Variants in STK3 observed in about 807,000 individuals in gnomAD.
The protein encoded by STK3 is serine/threonine kinase 3.
A neutral mutation model predicts 58.0 loss-of-function variants in STK3; 41 were observed. The observed-to-expected ratio is 0.71, with a 90% CI of 0.55 to 0.92. The LOEUF (loss-of-function observed/expected upper bound fraction) is 0.92. STK3 is among the 40% of genes least tolerant of loss of function. STK3 has a pLI of 0.00. For missense variants in STK3, 479 were observed against 602.7 expected (o/e 0.79, Z 2.15); for synonymous variants, 170 against 191.0 (o/e 0.89, Z 0.91).
intron 3 of STK3, among the ~76,000 whole-genome samples, chr8:98,878,451 A>G (rs1375673232): frequency 6.6e-6 from 1 of 152,152 alleles, no homozygotes; most frequent in East Asian, 1.9e-4. Context: ...CATTTCAATC[A>G]CCTGCACCAC....
intron 4 of STK3, among the ~76,000 whole-genome samples, chr8:98,724,950 TC>T (rs1827695435): frequency 6.6e-6 from 1 of 152,158 alleles, no homozygotes; most frequent in African/African-American, 2.4e-5. Flanking sequence ...CTCTCAGTTC[TC>T]CCAAAAAATT....
chr8:98,403,672 C>T (rs1817966234), intron 3 of STK3, among the ~76,000 whole-genome samples: 3 of 152,178 alleles, frequency 2.0e-5, no homozygotes, highest in Admixed American at 2.0e-4. Flanking sequence ...GCCCTATGCA[C>T]AGGTAGAGCA....
At position 98,407,725 on chromosome 8, in the gene STK3, T is replaced by C. The variant is rs959719204; in HGVS notation, n.484-6212A>G. 8.4e-4 allele frequency among the ~76,000 whole-genome samples: 81 copies of C among 96,872 alleles called. 1 individual carries two copies. The Middle Eastern group carries it at 0.02, about 24-fold the overall frequency. 63.6% of individuals were successfully genotyped at this position (96,872 alleles called of 152,430 possible). A position where few individuals can be genotyped will look rare whatever the true frequency, so the allele number is the denominator to read the frequency against. ...ACTCAGATGAGTGCATGTGTGTGTGTGTGTGTGTGTGTGTGTGTGTGTGTG... is the reference window on the plus strand; with the variant it reads ...ACTCAGATGAGTGCATGTGTGTGTGCGTGTGTGTGTGTGTGTGTGTGTGTG... On this transcript the variant is annotated intron_variant and non_coding_transcript_variant, in intron 3 of 3. Transcript: ENST00000517832.
intron 10 of STK3, among the ~76,000 whole-genome samples, chr8:98,524,977 G>C (rs1294509715): frequency 6.6e-6 from 1 of 152,126 alleles, no homozygotes; most frequent in Non-Finnish European, 1.5e-5. Context: ...CTGAAGCAAA[G>C]TTAAATCATT....
chr8:98,420,064 C>T (rs1737258577), intron 3 of STK3, among the ~76,000 whole-genome samples: 1 of 152,172 alleles, frequency 6.6e-6, no homozygotes, highest in Non-Finnish European at 1.5e-5. Context: ...AGTTGCCCTC[C>T]CCCTTGTCCG....
At chr8:98,566,620 A>G (rs983835208) in intron 8 of STK3, among the ~76,000 whole-genome samples, 1 of 152,150 alleles carries the variant, frequency 6.6e-6, no homozygotes, top group Non-Finnish European at 1.5e-5. Context: ...AAATTTTTCA[A>G]TGGTCCAATG....
intron 3 of STK3, among the ~76,000 whole-genome samples, chr8:98,859,902 C>A (rs759775940): frequency 7.2e-5 from 11 of 152,176 alleles, no homozygotes; most frequent in African/African-American, 1.2e-4. Flanking sequence ...ATAAATTAGA[C>A]AGTGTGCTTA....
intron 6 of STK3, among the ~76,000 whole-genome samples, chr8:98,668,947 C>T (rs764559642): frequency 5.3e-5 from 8 of 150,216 alleles, no homozygotes; most frequent in Non-Finnish European, 1.2e-4. Flanking sequence ...AGCTTTCAAA[C>T]TGCCTCTGCT....
intron 6 of STK3, among the ~76,000 whole-genome samples, chr8:98,698,545 T>A (rs1274121163): frequency 6.6e-6 from 1 of 152,224 alleles, no homozygotes; most frequent in African/African-American, 2.4e-5. Flanking sequence ...AGGAGCTCTT[T>A]TAGGGCAGGC....
intron 3 of STK3, among the ~76,000 whole-genome samples, chr8:98,433,222 G>C (rs1451196117): frequency 1.3e-5 from 2 of 152,134 alleles, no homozygotes; most frequent in Non-Finnish European, 2.9e-5. Flanking sequence ...TTGTGAAACA[G>C]ACACCCCTGC....
At chr8:98,815,225 A>T (rs535441859) in intron 1 of STK3, among the ~76,000 whole-genome samples, 1 of 152,348 alleles carries the variant, frequency 6.6e-6, no homozygotes, top group African/African-American at 2.4e-5. Context: ...TTCTGACTCA[A>T]ACTTAGAAAA....
In STK3 at chr8:98,548,070, G is replaced by GC. The variant is rs1810864225; in HGVS notation, c.1039dup (p.Ala347GlyfsTer6). 1 of 1,609,466 alleles carries GC rather than the reference G, an allele frequency of 6.2e-7. No individual in the cohort carries two copies. The highest frequency in any genetic ancestry group is 8.5e-7 in the Non-Finnish European group (1 of 1,178,020). On this transcript the variant is annotated frameshift_variant, in exon 9 of 11. Coordinates refer to ENST00000419617, the MANE Select transcript of STK3 (RefSeq NM_006281.4). LOFTEE classifies it high-confidence loss of function. The stretch of plus-strand genomic sequence containing the variant: ...GCTATTATGTTCAATCATGGTCTGG[G>GC]CCCCTTCACTCATCGTGCTTGTGGC...
chr8:98,597,149 G>T, intron 6 of STK3: 1 of 426,430 alleles, frequency 2.3e-6, no homozygotes, highest in Non-Finnish European at 3.1e-6. Flanking sequence ...ACCTTAAATT[G>T]CAAGGCACTC....
At chr8:98,442,992 C>A (rs1451594740) in intron 1 of STK3, among the ~76,000 whole-genome samples, 6 of 147,274 alleles carry the variant, frequency 4.1e-5, no homozygotes, top group Admixed American at 6.7e-5. Flanking sequence ...TTAGCTAAAG[C>A]AAAAAAAAAA....
intron 6 of STK3, among the ~76,000 whole-genome samples, chr8:98,675,122 A>T (rs144383630): frequency 1.9e-4 from 29 of 152,316 alleles, no homozygotes; most frequent in African/African-American, 6.7e-4. Context: ...AATATACATA[A>T]AGTGCTTCAT....
intron 3 of STK3, chr8:98,429,294 G>T: frequency 3.1e-6 from 5 of 1,614,108 alleles, no homozygotes; most frequent in Non-Finnish European, 4.2e-6. Context: ...AATGAAGGAG[G>T]TCCCTTCGGT....
chr8:98,363,174 T>C, the STK3 span, among the ~76,000 whole-genome samples: 1,074 of 152,292 alleles, frequency 7.1e-3, 11 homozygotes, highest in African/African-American at 0.024. Flanking sequence ...GTAGCTAAAA[T>C]GTCCACTGGG....
At chr8:98,607,089 T>C (rs1816836646) in intron 6 of STK3, among the ~76,000 whole-genome samples, 1 of 152,224 alleles carries the variant, frequency 6.6e-6, no homozygotes, top group Non-Finnish European at 1.5e-5. Flanking sequence ...TGAAATAGAA[T>C]ACTGTAATTC....
rs574825473 is a variant in STK3, at chr8:98,766,490, T to C, written c.236+753A>G. Among the ~76,000 whole-genome samples, 9 of 152,188 alleles carry C rather than the reference T, an allele frequency of 5.9e-5. 1 individual carries two copies. Among genetic ancestry groups the C allele is most frequent in the Non-Finnish European group, 1.3e-4 (9 of 68,032 alleles). On this transcript the variant is annotated intron_variant, in intron 3 of 10. Transcript: ENST00000419617. ...TATAGTGCAGTGCTGCAATCATAGC[T>C]AACTGTGGCCCTGAACTCCTGGGCT... is the stretch of plus-strand genomic sequence containing the variant.
Sources: gnomAD v4.1 joint callset for allele counts (sites outside exome capture counted in the v4.1 genomes callset) on GRCh38, gnomAD v4.1.1 for gene constraint, MANE v1.5 for transcripts, NCBI Gene and HGNC (gene_info 2026-07-23, HGNC 2026-07-21) for gene names.